Variants in IL15RA observed in about 807,000 individuals in gnomAD.
The protein encoded by IL15RA is interleukin 15 receptor subunit alpha.
IL15RA carries 26 observed loss-of-function variants against 24.2 expected under a neutral mutation model. That is an observed-to-expected ratio of 1.07 (90% CI 0.79 to 1.49). The LOEUF is 1.49. IL15RA is among the 40% of genes most tolerant of loss of function. The pLI is 0.00. For missense variants in IL15RA, 354 were observed against 356.4 expected (o/e 0.99, Z 0.05); for synonymous variants, 166 against 157.6 (o/e 1.05, Z -0.40).
chr10:5,977,361 C>A (rs1041547989), intron 1 of IL15RA, 44 bp downstream of exon 1: 1 of 983,216 alleles, frequency 1.0e-6, no homozygotes, highest in Non-Finnish European at 1.3e-6. Context: ...CGTCCCGGCC[C>A]CCTTCCAAGT....
rs775877874 is a variant in IL15RA at position 5,956,413 on chromosome 10, C to T, written c.658G>A (p.Ala220Thr). The T allele has an allele frequency of 1.4e-5, 23 of 1,613,852 alleles. No individual in the cohort carries two copies. Among genetic ancestry groups the T allele is most frequent in the East Asian group, 4.5e-5 (2 of 44,890 alleles). Residue 220 changes from alanine to threonine, a missense_variant, in exon 6 of 7, where the codon GCT (alanine) becomes ACT (threonine). Transcript: ENST00000379977. ...TSTVLLCGLS[A>T]VSLLACYLKS... Reference sequence around the variant, plus strand: ...AGGTAGCATGCCAGGAGAGACACAGCGCTCAGCCCACACAGCAGGACAGTG... The same window carrying T: ...AGGTAGCATGCCAGGAGAGACACAGTGCTCAGCCCACACAGCAGGACAGTG...
At position 5,966,040 on chromosome 10, in the gene IL15RA, T is replaced by G; in HGVS notation, c.283+105A>C. The G allele has an allele frequency of 1.2e-6, 1 of 800,394 alleles. No individual in the cohort carries two copies. The highest frequency in any genetic ancestry group is 1.8e-5 in the South Asian group (1 of 56,056). 49.6% of individuals were successfully genotyped at this position (800,394 alleles called of 1,614,324 possible). A position where few individuals can be genotyped will look rare whatever the true frequency, so the allele number is the denominator to read the frequency against. ...CCGGCCCCCACTGGTGTGTTTAGCC[T>G]CAGACCTCAGCACAGATCCCTTGAC... is the stretch of plus-strand genomic sequence containing the variant. On this transcript the variant is annotated intron_variant, in intron 2 of 6. Coordinates refer to ENST00000379977, the MANE Select transcript of IL15RA (RefSeq NM_002189.4). The surrounding 1 kb of genome is among the most constrained non-coding windows in gnomAD (Gnocchi z 6.4).
Position 5,959,150 on chromosome 10 carries a change from C to CTTTTTTTCTTT in IL15RA, c.616+593_616+603dup, listed in dbSNP as rs1564492040. Among the ~76,000 whole-genome samples the CTTTTTTTCTTT allele has an allele frequency of 6.6e-6, 1 of 150,872 alleles. No individual in the cohort carries two copies. Among genetic ancestry groups the CTTTTTTTCTTT allele is most frequent in the African/African-American group, 2.4e-5 (1 of 41,072 alleles). On this transcript the variant is annotated intron_variant, in intron 5 of 6. Coordinates refer to ENST00000379977, the MANE Select transcript of IL15RA (RefSeq NM_002189.4). The surrounding 1 kb of genome is among the most constrained non-coding windows in gnomAD (Gnocchi z 4.1). ...TTTTGGTTTTATTTTGTTTTGTTAACTTTTTTTCTTTTTCTTTTTCTTTTT... is the reference window on the plus strand; with the variant it reads ...TTTTGGTTTTATTTTGTTTTGTTAACTTTTTTTCTTTTTTTTTTCTTTTTCTTTTTCTTTTT...
At chr10:5,969,290 A>T (rs8177674) in intron 1 of IL15RA, among the ~76,000 whole-genome samples, 4,119 of 149,774 alleles carry the variant, frequency 0.028, 177 homozygotes, top group African/African-American at 0.094. Flanking sequence ...TATAATTAAA[A>T]TTTTTAAATT....
At position 5,962,266 on chromosome 10, in the gene IL15RA, T is replaced by G. The variant is rs1835709158; in HGVS notation, c.382+1477A>C. Among the ~76,000 whole-genome samples, 1 of 152,142 alleles carries G rather than the reference T, an allele frequency of 6.6e-6. No homozygotes were observed. Among genetic ancestry groups the G allele is most frequent in the Non-Finnish European group, 1.5e-5 (1 of 68,000 alleles). On this transcript the variant is annotated intron_variant, in intron 3 of 6. Transcript: ENST00000379977. This position sits in a 1 kb window ranked among gnomAD's most constrained non-coding sequence, Gnocchi z 5.2. The stretch of plus-strand genomic sequence containing the variant: ...CCTTGTTTAGCTGCTTCTTCCTCCC[T>G]TAAGATGCAGGCCTCAGCCTTGGCC...
At chr10:5,957,560 C>G (rs1357618088) in intron 5 of IL15RA, among the ~76,000 whole-genome samples, 1 of 151,564 alleles carries the variant, frequency 6.6e-6, no homozygotes, top group Non-Finnish European at 1.5e-5. Context: ...AGGCGTGAAC[C>G]ACCACGCCTG....
rs966006804 is a variant in IL15RA at position 5,967,753 on chromosome 10, C to T, written c.89-1414G>A. ...GCCCCTGGAAAAGTGCAAGTGTGGC[C>T]GGAAGTAAATTCGATAAAGAATAGG... On this transcript the variant is annotated intron_variant, in intron 1 of 6. Transcript: ENST00000379977. The surrounding 1 kb of genome is among the most constrained non-coding windows in gnomAD (Gnocchi z 4.4). 2.6e-5 allele frequency among the ~76,000 whole-genome samples: 4 copies of T among 152,190 alleles called. No homozygotes were observed. Among genetic ancestry groups the T allele is most frequent in the East Asian group, 1.9e-4 (1 of 5,176 alleles).
At position 5,956,421 on chromosome 10, in the gene IL15RA, C is replaced by G. The variant is rs1352206027; in HGVS notation, c.650G>C (p.Gly217Ala). 1.9e-6 allele frequency: 3 copies of G among 1,614,080 alleles called. No homozygotes were observed. Among genetic ancestry groups the G allele is most frequent in the Non-Finnish European group, 2.5e-6 (3 of 1,179,986 alleles). The change falls in exon 6 of 7, where the codon GGG becomes GCG. Residue 217 changes from glycine to alanine, a missense_variant. Transcript: ENST00000379977. ...AISTSTVLLCGLSAVSLLACY... is the reference protein window; with the variant it reads ...AISTSTVLLCALSAVSLLACY... ...TGCCAGGAGAGACACAGCGCTCAGC[C>G]CACACAGCAGGACAGTGGACGTGGA...
downstream of IL15RA, chr10:5,949,343 T>G (rs1175510676): frequency 6.4e-6 from 3 of 471,004 alleles, no homozygotes; most frequent in South Asian, 4.6e-5. This position sits in a 1 kb window ranked among gnomAD's most constrained non-coding sequence, Gnocchi z 4.4. Flanking sequence ...TTACAGTCAC[T>G]TAGGGAAGTA....
intron 5 of IL15RA, among the ~76,000 whole-genome samples, chr10:5,957,423 G>A (rs1243451477): frequency 6.6e-6 from 1 of 150,616 alleles, no homozygotes; most frequent in East Asian, 2.0e-4. Context: ...CTACAGGCAG[G>A]TGCCACCATG....
chr10:5,964,354 A>G lies in IL15RA; in HGVS notation c.284-513T>C, dbSNP rs1408819721. On this transcript the variant is annotated intron_variant, in intron 2 of 6. Coordinates refer to ENST00000379977, the MANE Select transcript of IL15RA (RefSeq NM_002189.4). This position sits in a 1 kb window ranked among gnomAD's most constrained non-coding sequence, Gnocchi z 5.6. ...TTATCTTTTAATTTTTTTGGTAGAG[A>G]CAGGGTCTTGCTATGTTGCTGAGGC... is the stretch of plus-strand genomic sequence containing the variant. 6.6e-6 allele frequency among the ~76,000 whole-genome samples: 1 copy of G among 152,068 alleles called. No homozygotes were observed. The highest frequency in any genetic ancestry group is 1.5e-5 in the Non-Finnish European group (1 of 68,022).
chr10:5,960,450 C>T lies in IL15RA; in HGVS notation c.500G>A (p.Ser167Asn). 6.2e-7 allele frequency: 1 copy of T among 1,614,146 alleles called. No individual in the cohort carries two copies. The highest frequency in any genetic ancestry group is 2.2e-5 in the East Asian group (1 of 44,894). The stretch of plus-strand genomic sequence containing the variant: ...GGGGGTGCCGTGGGAGGACTCATGA[C>T]TGCTTATCTCTGTGGTTCCTGTGGA... ...SPSTGTTEIS[S>N]HESSHGTPSQ... The change falls in exon 4 of 7, where the codon AGT becomes AAT. Residue 167 changes from serine to asparagine, a missense_variant. Coordinates refer to ENST00000379977, the MANE Select transcript of IL15RA (RefSeq NM_002189.4). The surrounding 1 kb of genome is among the most constrained non-coding windows in gnomAD (Gnocchi z 5.1).
At position 5,953,640 on chromosome 10, in the gene IL15RA, A is replaced by G. The variant is rs1008104411; in HGVS notation, c.693-434T>C. 2.0e-5 allele frequency among the ~76,000 whole-genome samples: 3 copies of G among 152,226 alleles called. No homozygotes were observed. The highest frequency in any genetic ancestry group is 4.4e-5 in the Non-Finnish European group (3 of 68,046). On this transcript the variant is annotated intron_variant, in intron 6 of 6. Transcript: ENST00000379977. The surrounding 1 kb of genome is among the most constrained non-coding windows in gnomAD (Gnocchi z 5.3). ...CCCCACGCTTTGCCAGTCCTCTGCC[A>G]AAAAGCCATTCAAATGGCAGGAACA...
At chr10:5,972,709 T>C (rs1207344611) in intron 1 of IL15RA, among the ~76,000 whole-genome samples, 5 of 152,230 alleles carry the variant, frequency 3.3e-5, no homozygotes, top group African/African-American at 7.2e-5. Context: ...GATCTTCTTC[T>C]AGTAAAAAAA....
Position 5,953,353 on chromosome 10 carries a change from C to T in IL15RA, c.693-147G>A. 1.4e-6 allele frequency: 1 copy of T among 723,086 alleles called. No homozygotes were observed. The highest frequency in any genetic ancestry group is 2.6e-6 in the Non-Finnish European group (1 of 390,582). The allele number at this position is 723,086 out of a possible 1,614,324, so 44.8% of individuals were successfully genotyped here. ...TGCCACGGGAGTCAGACAGAGAGCACTTAGTCCTCAGAGATGGAGAGAACC... is the reference window on the plus strand; with the variant it reads ...TGCCACGGGAGTCAGACAGAGAGCATTTAGTCCTCAGAGATGGAGAGAACC... On this transcript the variant is annotated intron_variant, in intron 6 of 6. Coordinates refer to ENST00000379977, the MANE Select transcript of IL15RA (RefSeq NM_002189.4). The surrounding 1 kb of genome is among the most constrained non-coding windows in gnomAD (Gnocchi z 5.3).
intron 1 of IL15RA, chr10:5,976,897 C>A (rs1457199525): frequency 1.3e-5 from 2 of 152,716 alleles, no homozygotes; most frequent in Non-Finnish European, 2.9e-5. Context: ...ACGCGTTTCC[C>A]CCTGGGACAC....
At position 5,958,219 on chromosome 10, in the gene IL15RA, C is replaced by A. The variant is rs890129364; in HGVS notation, c.616+1535G>T. On this transcript the variant is annotated intron_variant, in intron 5 of 6. Transcript: ENST00000379977. The surrounding 1 kb of genome is among the most constrained non-coding windows in gnomAD (Gnocchi z 4.3). ...TGGGAGGATCTACAAGGTATACCAG[C>A]AAGTGGAAACAAACATGGTACAGAA... 8 of 416,150 alleles carry A rather than the reference C, an allele frequency of 1.9e-5. No homozygotes were observed. Among genetic ancestry groups the A allele is most frequent in the Non-Finnish European group, 2.9e-5 (6 of 206,494 alleles). 25.8% of individuals were successfully genotyped at this position (416,150 alleles called of 1,614,324 possible).
chr10:5,972,197 C>A (rs1205464730), intron 1 of IL15RA, among the ~76,000 whole-genome samples: 1 of 152,158 alleles, frequency 6.6e-6, no homozygotes, highest in Admixed American at 6.6e-5. Context: ...TGCTCCCCTG[C>A]ACAGAAACCC....
At chr10:5,950,139 A>G (rs1833771654), downstream of IL15RA, among the ~76,000 whole-genome samples, 1 of 152,204 alleles carries the variant, frequency 6.6e-6, no homozygotes, top group Non-Finnish European at 1.5e-5. This position sits in a 1 kb window ranked among gnomAD's most constrained non-coding sequence, Gnocchi z 5.6. Context: ...TCAAGGCAAA[A>G]TATAAAAGGT....
Sources: allele counts gnomAD v4.1 joint callset (sites outside exome capture counted in the v4.1 genomes callset), GRCh38; gene constraint gnomAD v4.1.1; non-coding constraint Gnocchi (gnomAD v3.1); transcripts MANE v1.5; gene names NCBI Gene and HGNC (gene_info 2026-07-23, HGNC 2026-07-21).